The following GPR26 variants were observed in gnomAD, a reference collection of about 807,000 sequenced individuals.
GPR26 encodes G protein-coupled receptor 26.
A neutral mutation model predicts 23.1 loss-of-function variants in GPR26; 15 were observed. That is an observed-to-expected ratio of 0.65 (90% CI 0.43 to 1.00). The LOEUF (loss-of-function observed/expected upper bound fraction) is 1.00, where lower values mean the gene tolerates loss of function less well. Among genes scored for constraint, GPR26 ranks in the 50% least tolerant of loss-of-function variants. The pLI, the probability that GPR26 is intolerant of heterozygous loss-of-function variation, is 0.00. For synonymous variants in GPR26, 228 were observed against 222.1 expected (o/e 1.03, Z -0.24); for missense variants, 359 against 470.5 (o/e 0.76, Z 2.19).
intron 2 of GPR26, among the ~76,000 whole-genome samples, chr10:123,675,193 T>C (rs1292824935): frequency 6.6e-6 from 1 of 152,092 alleles, no homozygotes; most frequent in African/African-American, 2.4e-5. Flanking sequence ...ATTACACCCT[T>C]TATCCCAGGC....
chr10:123,682,980 ATGTG>A (rs1006200604), intron 2 of GPR26, among the ~76,000 whole-genome samples: 111 of 152,156 alleles, frequency 7.3e-4, no homozygotes, highest in African/African-American at 2.6e-3. Context: ...TACACAACGT[ATGTG>A]TGTGTGTATG....
intron 2 of GPR26, among the ~76,000 whole-genome samples, chr10:123,677,260 T>G (rs999065763): frequency 9.2e-5 from 14 of 152,214 alleles, no homozygotes; most frequent in African/African-American, 3.4e-4. Flanking sequence ...GATGATGGAT[T>G]ACAACTCAAT....
At chr10:123,681,025 G>C in intron 2 of GPR26, among the ~76,000 whole-genome samples, 1 of 152,114 alleles carries the variant, frequency 6.6e-6, no homozygotes, top group African/African-American at 2.4e-5. Context: ...TTTTAGTAGA[G>C]ATGGGGTTTC....
intron 2 of GPR26, among the ~76,000 whole-genome samples, chr10:123,683,473 C>A (rs2133929814): frequency 6.6e-6 from 1 of 152,370 alleles, no homozygotes; most frequent in South Asian, 2.1e-4. Flanking sequence ...AACTTGCTTC[C>A]CTTGGGGATT....
rs1845536290 is a variant in GPR26 at position 123,695,681 on chromosome 10, A to G, written c.*7521A>G. 6.6e-6 allele frequency among the ~76,000 whole-genome samples: 1 copy of G among 152,148 alleles called. No individual in the cohort carries two copies. The highest frequency in any genetic ancestry group is 1.9e-4 in the East Asian group (1 of 5,178). On this transcript the variant is annotated 3_prime_UTR_variant, in exon 3 of 3. Transcript: ENST00000284674. ...GCTGAAATACCAAACACCCTGCACC[A>G]AAAGACTCAGCTTGACATTGCTTTG...
intron 1 of GPR26, among the ~76,000 whole-genome samples, chr10:123,667,561 C>CCGTGTG (rs1845201313): frequency 8.0e-6 from 1 of 124,998 alleles, no homozygotes; most frequent in African/African-American, 3.1e-5. Context: ...TGTCTCACGA[C>CCGTGTG]TGTGTGTGTG....
In GPR26 at chr10:123,684,350, G is replaced by A. The variant is rs939377952; in HGVS notation, c.783-3579G>A. Among the ~76,000 whole-genome samples, 5 of 152,150 alleles carry A rather than the reference G, an allele frequency of 3.3e-5. No individual in the cohort carries two copies. In the South Asian group the frequency reaches 6.2e-4, roughly 19 times the overall value. The stretch of plus-strand genomic sequence containing the variant: ...GGCATACACGTGCTCTAGGAGTGGG[G>A]TGGGGCTGGTTGATGCTGTTATGGC... On this transcript the variant is annotated intron_variant, in intron 2 of 2. Coordinates refer to ENST00000284674, the MANE Select transcript of GPR26 (RefSeq NM_153442.4).
At position 123,694,942 on chromosome 10, in the gene GPR26, C is replaced by T. The variant is rs977981914; in HGVS notation, c.*6782C>T. ...CCTGAAGGGTTCGAATGTTTGTCTT[C>T]GGTAGGGAGTGCCACACATTTAATA... is the stretch of plus-strand genomic sequence containing the variant. On this transcript the variant is annotated 3_prime_UTR_variant, in exon 3 of 3. Transcript: ENST00000284674. 2.0e-5 allele frequency among the ~76,000 whole-genome samples: 3 copies of T among 152,158 alleles called. No individual in the cohort carries two copies. The highest frequency in any genetic ancestry group is 4.1e-4 in the South Asian group (2 of 4,826).
chr10:123,678,399 T>C (rs12249430), intron 2 of GPR26, among the ~76,000 whole-genome samples: 2,072 of 152,210 alleles, frequency 0.014, 48 homozygotes, highest in African/African-American at 0.046. Flanking sequence ...CTCCTCCACC[T>C]TTCTCTCCCG....
chr10:123,683,284 C>G (rs1845398503), intron 2 of GPR26, among the ~76,000 whole-genome samples: 1 of 152,202 alleles, frequency 6.6e-6, no homozygotes, highest in South Asian at 2.1e-4. Context: ...CCTGAATGTT[C>G]CGGCTGTGTA....
intron 2 of GPR26, among the ~76,000 whole-genome samples, chr10:123,686,846 C>A (rs1377698317): frequency 6.6e-6 from 1 of 152,126 alleles, no homozygotes; most frequent in African/African-American, 2.4e-5. Flanking sequence ...AACCCCTTTC[C>A]CTCTCTGGGC....
At chr10:123,670,888 G>A (rs546639412) in intron 1 of GPR26, among the ~76,000 whole-genome samples, 11 of 152,142 alleles carry the variant, frequency 7.2e-5, no homozygotes, top group East Asian at 1.9e-4. Context: ...ATGGAAAGTC[G>A]GGGCTGTAGG....
intron 1 of GPR26, among the ~76,000 whole-genome samples, chr10:123,667,369 A>C (rs1188001311): frequency 6.6e-6 from 1 of 152,184 alleles, no homozygotes; most frequent in African/African-American, 2.4e-5. Context: ...CTGTGTTTGT[A>C]GCTTTCACTT....
rs367840438 is a variant in GPR26, at chr10:123,674,690, G to C, written c.669-128G>C. The stretch of plus-strand genomic sequence containing the variant: ...TCAATAGCTACAGCCAAGAGTTGAC[G>C]CTGGGTCTTTCCGACTCCATAGTCA... On this transcript the variant is annotated intron_variant, in intron 1 of 2. Coordinates refer to ENST00000284674, the MANE Select transcript of GPR26 (RefSeq NM_153442.4). The surrounding 1 kb of genome is among the most constrained non-coding windows in gnomAD (Gnocchi z 4.1). 1 of 611,872 alleles carries C rather than the reference G, an allele frequency of 1.6e-6. No homozygotes were observed. The highest frequency in any genetic ancestry group is 1.9e-5 in the South Asian group (1 of 52,622). The allele number at this position is 611,872 out of a possible 1,614,324, so 37.9% of individuals were successfully genotyped here. A position where few individuals can be genotyped will look rare whatever the true frequency, so the allele number is the denominator to read the frequency against.
At chr10:123,682,194 C>T (rs1449713437) in intron 2 of GPR26, among the ~76,000 whole-genome samples, 1 of 152,182 alleles carries the variant, frequency 6.6e-6, no homozygotes, top group Non-Finnish European at 1.5e-5. Flanking sequence ...ATTTGAGTTT[C>T]TCTAGCAAAA....
intron 2 of GPR26, among the ~76,000 whole-genome samples, chr10:123,677,641 A>G (rs1055428952): frequency 3.3e-5 from 5 of 152,314 alleles, no homozygotes; most frequent in African/African-American, 1.2e-4. Flanking sequence ...TTGATCTTGT[A>G]GTCCTCTAAC....
At chr10:123,675,039 G>T in intron 2 of GPR26, 108 bp downstream of exon 2, 1 of 677,358 alleles carries the variant, frequency 1.5e-6, no homozygotes. Flanking sequence ...TGCACGGTGT[G>T]TTGTGGGGGG....
At chr10:123,673,921 C>CTCTTCT (rs10699563) in intron 1 of GPR26, among the ~76,000 whole-genome samples, 3,295 of 150,132 alleles carry the variant, frequency 0.022, 44 homozygotes, top group South Asian at 0.038. Flanking sequence ...CTTCCTCTTC[C>CTCTTCT]TCTTCTTCTT....
At chr10:123,686,207 T>TA (rs1447375184) in intron 2 of GPR26, among the ~76,000 whole-genome samples, 1 of 152,214 alleles carries the variant, frequency 6.6e-6, no homozygotes, top group African/African-American at 2.4e-5. Context: ...TAGCAAGGTA[T>TA]AAAAAACTAT....
Sources: allele counts gnomAD v4.1 joint callset (sites outside exome capture counted in the v4.1 genomes callset), GRCh38; gene constraint gnomAD v4.1.1; non-coding constraint Gnocchi (gnomAD v3.1); transcripts MANE v1.5; gene names NCBI Gene and HGNC (gene_info 2026-07-23, HGNC 2026-07-21).